PDE3A: variants seen among roughly 807,000 people sequenced by gnomAD.
PDE3A encodes the protein cGMP-inhibited 3',5'-cyclic phosphodiesterase 3A.
A neutral mutation model predicts 98.3 loss-of-function variants in PDE3A; 43 were observed. The observed-to-expected ratio is 0.44, with a 90% CI of 0.34 to 0.56. The LOEUF (loss-of-function observed/expected upper bound fraction) is 0.56, where lower values mean the gene tolerates loss of function less well. PDE3A is among the 20% of genes least tolerant of loss of function. The pLI is 0.01. For missense variants in PDE3A, 1,427 were observed against 1,440.7 expected (o/e 0.99, Z 0.15); for synonymous variants, 663 against 567.9 (o/e 1.17, Z -2.38).
At chr12:20,559,175 G>T (rs1237826217) in intron 2 of PDE3A, among the ~76,000 whole-genome samples, 1 of 151,992 alleles carries the variant, frequency 6.6e-6, no homozygotes, top group African/African-American at 2.4e-5. Flanking sequence ...TCTATGTTTA[G>T]ATACACAAAT....
chr12:20,412,054 C>G (rs1420457153), intron 1 of PDE3A, among the ~76,000 whole-genome samples: 1 of 152,070 alleles, frequency 6.6e-6, no homozygotes, highest in African/African-American at 2.4e-5. Context: ...TATAGCTTAT[C>G]TTTTTCATTA....
chr12:20,613,406 C>T (rs761939056), intron 2 of PDE3A, 37 bp from the exon 3 acceptor site: 1 of 1,607,058 alleles, frequency 6.2e-7, no homozygotes, highest in South Asian at 1.1e-5. Context: ...AGATTCAGGC[C>T]TTTTCTTGCC....
At chr12:20,386,751 T>C (rs952113474) in intron 1 of PDE3A, among the ~76,000 whole-genome samples, 9 of 152,098 alleles carry the variant, frequency 5.9e-5, no homozygotes, top group Admixed American at 2.6e-4. Context: ...ACTCTGATGA[T>C]TGTTTTGCTA....
chr12:20,662,964 T>C (rs1230721150), intron 15 of PDE3A, among the ~76,000 whole-genome samples: 2 of 152,092 alleles, frequency 1.3e-5, no homozygotes, highest in Non-Finnish European at 2.9e-5. Context: ...GAAAAAACGA[T>C]TTCACAGGCC....
At chr12:20,409,544 T>C (rs1944296171) in intron 1 of PDE3A, among the ~76,000 whole-genome samples, 1 of 152,202 alleles carries the variant, frequency 6.6e-6, no homozygotes, top group Non-Finnish European at 1.5e-5. Flanking sequence ...AGTAGTTGTC[T>C]TTGCTTGTAA....
chr12:20,651,812 C>A (rs540585867), intron 14 of PDE3A, among the ~76,000 whole-genome samples: 1 of 152,192 alleles, frequency 6.6e-6, no homozygotes, highest in Non-Finnish European at 1.5e-5. Context: ...TACATGTGCA[C>A]AACGTGCAGG....
intron 1 of PDE3A, among the ~76,000 whole-genome samples, chr12:20,505,005 T>A (rs775063206): frequency 1.4e-4 from 22 of 152,050 alleles, no homozygotes; most frequent in Non-Finnish European, 2.8e-4. Context: ...GCACCAGAGG[T>A]CTTTTCCTTG....
intron 1 of PDE3A, among the ~76,000 whole-genome samples, chr12:20,463,836 T>C (rs1246780888): frequency 2.0e-5 from 3 of 152,208 alleles, no homozygotes; most frequent in Admixed American, 6.5e-5. Context: ...TATTTTGGCA[T>C]AGTTCCTTTG....
chr12:20,508,858 G>T (rs1946165865), intron 1 of PDE3A, among the ~76,000 whole-genome samples: 1 of 150,182 alleles, frequency 6.7e-6, no homozygotes. Context: ...GTTTTCTTCA[G>T]TACTTTTTTT....
chr12:20,659,041 G>A (rs1316731394), intron 15 of PDE3A, among the ~76,000 whole-genome samples: 1 of 152,098 alleles, frequency 6.6e-6, no homozygotes, highest in Non-Finnish European at 1.5e-5. Context: ...CTCTTACAGA[G>A]AGACTGTAAA....
intron 4 of PDE3A, among the ~76,000 whole-genome samples, chr12:20,616,934 C>T (rs573790383): frequency 7.2e-5 from 11 of 151,978 alleles, no homozygotes; most frequent in Non-Finnish European, 1.6e-4. Flanking sequence ...CCAGAATTAT[C>T]AAAACTAAAG....
chr12:20,526,221 C>T (rs73233935), intron 1 of PDE3A, among the ~76,000 whole-genome samples: 2,065 of 152,206 alleles, frequency 0.014, 43 homozygotes, highest in African/African-American at 0.048. Context: ...TATTGTTCCT[C>T]AATAAAATTA....
chr12:20,581,687 A>T (rs1943070866), intron 2 of PDE3A, among the ~76,000 whole-genome samples: 1 of 142,184 alleles, frequency 7.0e-6, no homozygotes, highest in Admixed American at 7.6e-5. Flanking sequence ...ATCTCGGCTC[A>T]CTGCAAGCTC....
intron 2 of PDE3A, among the ~76,000 whole-genome samples, chr12:20,567,933 A>G (rs1444083504): frequency 2.0e-5 from 3 of 152,048 alleles, no homozygotes; most frequent in East Asian, 3.8e-4. Flanking sequence ...GGAAAAAAGC[A>G]TTATTTTAAC....
At chr12:20,602,273 C>T (rs1485815106) in intron 2 of PDE3A, among the ~76,000 whole-genome samples, 1 of 152,196 alleles carries the variant, frequency 6.6e-6, no homozygotes, top group African/African-American at 2.4e-5. Flanking sequence ...CAGCGTGCAA[C>T]TTAAAGACAG....
At chr12:20,640,253 A>T (rs556075381) in intron 10 of PDE3A, among the ~76,000 whole-genome samples, 1 of 152,242 alleles carries the variant, frequency 6.6e-6, no homozygotes, top group South Asian at 2.1e-4. Context: ...ATAAGATTAT[A>T]ATTTTAAAGA....
At chr12:20,508,282 A>G (rs1419858009) in intron 1 of PDE3A, among the ~76,000 whole-genome samples, 1 of 151,932 alleles carries the variant, frequency 6.6e-6, no homozygotes, top group Non-Finnish European at 1.5e-5. Context: ...CCCATTTCAA[A>G]TGGAAACCCC....
At chr12:20,484,827 C>T (rs536900549) in intron 1 of PDE3A, among the ~76,000 whole-genome samples, 75 of 151,658 alleles carry the variant, frequency 4.9e-4, no homozygotes, top group Admixed American at 9.2e-4. Context: ...AGTTGTAATT[C>T]GTGTTTAAAA....
chr12:20,550,884 C>A (rs1037333162), intron 1 of PDE3A, among the ~76,000 whole-genome samples: 19 of 151,620 alleles, frequency 1.3e-4, no homozygotes, highest in South Asian at 4.1e-4. Flanking sequence ...TGAGTAATTT[C>A]CCTTTTGTTG....
Sources: allele counts gnomAD v4.1 joint callset (sites outside exome capture counted in the v4.1 genomes callset), GRCh38; gene constraint gnomAD v4.1.1; transcripts MANE v1.5; gene names NCBI Gene and HGNC (gene_info 2026-07-23, HGNC 2026-07-21).